REV1: variants seen among roughly 807,000 people sequenced by gnomAD.
The protein encoded by REV1 is REV1 DNA directed polymerase.
Under a neutral mutation model 137.4 loss-of-function variants are expected in REV1, and 42 were observed. The observed-to-expected ratio is 0.31, with a 90% confidence interval of 0.24 to 0.40. The LOEUF is 0.40. Among genes scored for constraint, REV1 ranks in the 10% least tolerant of loss-of-function variants. REV1 has a pLI of 1.00. For missense variants in REV1, 1,282 were observed against 1,490.1 expected, an observed-to-expected ratio of 0.86 and a Z score of 2.30; for synonymous variants, 524 against 519.2, an observed-to-expected ratio of 1.01 and a Z score of -0.12.
chr2:99,479,960 T>C (rs1369548034), intron 1 of REV1, among the ~76,000 whole-genome samples: 2 of 151,814 alleles, frequency 1.3e-5, no homozygotes, highest in Admixed American at 6.6e-5. Flanking sequence ...GAAGGTAGGA[T>C]AGAAGGTAGG....
In REV1 at chr2:99,462,515, G is replaced by A; in HGVS notation, c.162C>T (p.Ile54=). ...TSSTIFSGVA[I]YVNGYTDPSA... is the part of the protein sequence containing the mutation. ...CTCAACCTGTGTATCCATTAACATA[G>A]ATGGCAACTCCACTAAAAATTGTAG... is the stretch of plus-strand genomic sequence containing the variant. The change falls in exon 3 of 23, where the codon ATC becomes ATT. Residue 54 remains isoleucine, a synonymous_variant. Coordinates refer to ENST00000258428, the MANE Select transcript of REV1 (RefSeq NM_016316.4). The A allele has an allele frequency of 6.2e-7, 1 of 1,613,086 alleles. No homozygotes were observed. Among genetic ancestry groups the A allele is most frequent in the African/African-American group, 1.3e-5 (1 of 74,914 alleles).
chr2:99,417,116 G>T (rs1313919870), intron 12 of REV1, among the ~76,000 whole-genome samples: 1 of 152,002 alleles, frequency 6.6e-6, no homozygotes, highest in Non-Finnish European at 1.5e-5. Flanking sequence ...CCTGACCCCA[G>T]TACTTCACCA....
chr2:99,455,846 CTT>C (rs778143842), intron 3 of REV1, among the ~76,000 whole-genome samples: 3 of 152,130 alleles, frequency 2.0e-5, no homozygotes, highest in Non-Finnish European at 4.4e-5. Flanking sequence ...CATATTCCCC[CTT>C]GTTTCATTTT....
chr2:99,461,968 G>A (rs1684262378), intron 3 of REV1, among the ~76,000 whole-genome samples: 1 of 152,178 alleles, frequency 6.6e-6, no homozygotes. Context: ...GGAGGAGGTA[G>A]GAATGAGAAA....
intron 12 of REV1, 122 bp downstream of exon 12, chr2:99,418,706 T>TAG: frequency 1.1e-6 from 1 of 875,674 alleles, no homozygotes; most frequent in Non-Finnish European, 1.7e-6. Context: ...TGGCACTCAA[T>TAG]AAGACTTAAA....
At chr2:99,476,588 C>T (rs1413446658) in intron 1 of REV1, among the ~76,000 whole-genome samples, 2 of 151,876 alleles carry the variant, frequency 1.3e-5, no homozygotes, top group Non-Finnish European at 2.9e-5. Context: ...AATGTCCACC[C>T]TGTTAAGTGC....
At chr2:99,405,863 A>G (rs1044564382) in intron 17 of REV1, 47 bp downstream of exon 17, 2 of 1,220,652 alleles carry the variant, frequency 1.6e-6, no homozygotes. Context: ...TTGTATTTAT[A>G]TTTAGGAGTA....
intron 7 of REV1, 163 bp downstream of exon 7, chr2:99,435,671 C>G: frequency 2.0e-6 from 1 of 493,310 alleles, no homozygotes; most frequent in Non-Finnish European, 3.6e-6. Flanking sequence ...AAGAAAAACT[C>G]TAATTTCCCT....
At position 99,439,427 on chromosome 2, in the gene REV1, A is replaced by G. The variant is rs188628672; in HGVS notation, c.504-117T>C. 9.6e-6 allele frequency: 6 copies of G among 627,210 alleles called. No individual in the cohort carries two copies. The Admixed American group carries it at 2.0e-4, about 21-fold the overall frequency. 38.9% of individuals were successfully genotyped at this position (627,210 alleles called of 1,614,324 possible). A position where few individuals can be genotyped will look rare whatever the true frequency, so the allele number is the denominator to read the frequency against. On this transcript the variant is annotated intron_variant, in intron 5 of 22. Transcript: ENST00000258428. Reference sequence around the variant, plus strand: ...TTGGTATTTCCCCCTTTAAAAACAGAAAATTCTTATATTGAATATTGACAA... The same window carrying G: ...TTGGTATTTCCCCCTTTAAAAACAGGAAATTCTTATATTGAATATTGACAA...
intron 10 of REV1, 53 bp downstream of exon 10, chr2:99,424,099 T>C (rs1679031573): frequency 3.8e-6 from 6 of 1,578,486 alleles, no homozygotes; most frequent in Non-Finnish European, 5.2e-6. Context: ...GTCTTTACTA[T>C]TAGCTAAAAG....
intron 6 of REV1, among the ~76,000 whole-genome samples, chr2:99,437,143 C>A (rs1237808810): frequency 2.0e-5 from 3 of 151,832 alleles, no homozygotes; most frequent in Non-Finnish European, 2.9e-5. Flanking sequence ...CCACGCCCAG[C>A]TAATTTTTTT....
chr2:99,403,068 T>A lies in REV1; in HGVS notation c.3205A>T (p.Lys1069Ter). The A allele has an allele frequency of 6.2e-7, 1 of 1,613,162 alleles. No homozygotes were observed. The highest frequency in any genetic ancestry group is 8.5e-7 in the Non-Finnish European group (1 of 1,179,598). ...TTCTTCTTGTTTCTTTTCTTTTCTTTCACTGCTGCCTTTAGATGAAGTAAA... is the reference window on the plus strand; with the variant it reads ...TTCTTCTTGTTTCTTTTCTTTTCTTACACTGCTGCCTTTAGATGAAGTAAA... ...NPLLHLKAAV[K>*]EKKRNKKKKT... The change falls in exon 20 of 23, where the codon AAA becomes TAA. Residue 1069 changes from lysine (K) to a stop codon, truncating the protein, a stop_gained. Coordinates refer to ENST00000258428, the MANE Select transcript of REV1 (RefSeq NM_016316.4). LOFTEE classifies it high-confidence loss of function.
chr2:99,474,607 A>G (rs1168616500), intron 1 of REV1, among the ~76,000 whole-genome samples: 5 of 152,182 alleles, frequency 3.3e-5, no homozygotes, highest in Non-Finnish European at 7.3e-5. Context: ...ACTAGTCCAT[A>G]TTGATAAGCA....
At chr2:99,465,861 G>C (rs948584574) in intron 1 of REV1, among the ~76,000 whole-genome samples, 30 of 152,124 alleles carry the variant, frequency 2.0e-4, no homozygotes, top group African/African-American at 7.0e-4. Flanking sequence ...TGATCTATGA[G>C]AATTTTTTAC....
chr2:99,469,754 CA>C, intron 1 of REV1, among the ~76,000 whole-genome samples: 1 of 152,290 alleles, frequency 6.6e-6, no homozygotes, highest in East Asian at 1.9e-4. Flanking sequence ...ACTATCAGTT[CA>C]TTCTAAACTT....
intron 1 of REV1, among the ~76,000 whole-genome samples, chr2:99,472,446 G>A (rs1237921986): frequency 6.6e-6 from 1 of 152,212 alleles, no homozygotes; most frequent in Non-Finnish European, 1.5e-5. Flanking sequence ...TTCTGGAGAT[G>A]GATAGTGGTG....
At position 99,438,940 on chromosome 2, in the gene REV1, G is replaced by A; in HGVS notation, c.874C>T (p.Pro292Ser). The A allele has an allele frequency of 6.2e-7, 1 of 1,614,168 alleles. No individual in the cohort carries two copies. The highest frequency in any genetic ancestry group is 8.5e-7 in the Non-Finnish European group (1 of 1,180,024). ...STRNTDALRN[P>S]HRTNSFSLSP... is the part of the protein sequence containing the mutation. ...AATGAGAAAGAATTAGTTCTGTGTG[G>A]ATTCCGCAAAGCATCTGTGTTTCTG... is the stretch of plus-strand genomic sequence containing the variant. Residue 292 changes from proline (P) to serine (S), a missense_variant, in exon 6 of 23, where the codon CCA (proline) becomes TCA (serine). Transcript: ENST00000258428.
At chr2:99,488,605 T>C (rs932173294) in intron 1 of REV1, among the ~76,000 whole-genome samples, 1 of 152,194 alleles carries the variant, frequency 6.6e-6, no homozygotes, top group Non-Finnish European at 1.5e-5. Flanking sequence ...GGTGAGCTCT[T>C]AAGTGTCCAG....
At chr2:99,436,032 C>T in intron 6 of REV1, 91 bp from the exon 7 acceptor site, 1 of 765,280 alleles carries the variant, frequency 1.3e-6, no homozygotes. Context: ...ATATTTAAAA[C>T]ATGCTTACAC....
Sources: gnomAD v4.1 joint callset for allele counts (sites outside exome capture counted in the v4.1 genomes callset) on GRCh38, gnomAD v4.1.1 for gene constraint, MANE v1.5 for transcripts, NCBI Gene and HGNC (gene_info 2026-07-23, HGNC 2026-07-21) for gene names.